The following KIAA1549L variants were observed in gnomAD, a reference collection of about 807,000 sequenced individuals.
The protein encoded by KIAA1549L is KIAA1549 like.
In KIAA1549L, 88 loss-of-function variants were observed where a neutral mutation model predicts 160.7. The observed-to-expected ratio is 0.55, with a 90% CI of 0.46 to 0.65. The LOEUF (loss-of-function observed/expected upper bound fraction) is 0.65, where lower values mean the gene tolerates loss of function less well. Among genes scored for constraint, KIAA1549L ranks in the 30% least tolerant of loss-of-function variants. The pLI is 0.00. For missense variants in KIAA1549L, 2,258 were observed against 2,437.5 expected, an observed-to-expected ratio of 0.93 and a Z score of 1.55; for synonymous variants, 950 against 976.7, an observed-to-expected ratio of 0.97 and a Z score of 0.51.
chr11:33,593,352 T>C (rs977852228), intron 12 of KIAA1549L, among the ~76,000 whole-genome samples: 4 of 152,312 alleles, frequency 2.6e-5, no homozygotes, highest in South Asian at 2.1e-4. Context: ...GGTGAGAGCA[T>C]GGCTTGAGCA....
intron 1 of KIAA1549L, among the ~76,000 whole-genome samples, chr11:33,474,202 C>A (rs1001493901): frequency 5.9e-5 from 9 of 152,168 alleles, no homozygotes; most frequent in African/African-American, 2.2e-4. Flanking sequence ...CCTCCAACAT[C>A]GAAAATTACA....
At chr11:33,534,062 C>G (rs1565172422) in intron 1 of KIAA1549L, among the ~76,000 whole-genome samples, 1 of 152,104 alleles carries the variant, frequency 6.6e-6, no homozygotes, top group Non-Finnish European at 1.5e-5. Context: ...CTGTCTGTCT[C>G]CCTCTCATAT....
intron 1 of KIAA1549L, among the ~76,000 whole-genome samples, chr11:33,475,572 G>C (rs1852267368): frequency 1.3e-5 from 2 of 151,182 alleles, no homozygotes; most frequent in South Asian, 4.2e-4. Flanking sequence ...AAAAAAAAAG[G>C]CCAGGTGCAG....
chr11:33,644,769 C>G (rs1349516861), intron 16 of KIAA1549L, among the ~76,000 whole-genome samples: 2 of 152,254 alleles, frequency 1.3e-5, no homozygotes, highest in Non-Finnish European at 2.9e-5. Flanking sequence ...GCAGCAGCCT[C>G]CCCATATTGC....
intron 1 of KIAA1549L, among the ~76,000 whole-genome samples, chr11:33,411,455 CCT>C (rs1850783822): frequency 1.3e-5 from 2 of 152,146 alleles, no homozygotes; most frequent in East Asian, 1.9e-4. Context: ...AGATTGCATA[CCT>C]CTCGGCTAGT....
At chr11:33,399,147 T>C (rs1461318865) in intron 1 of KIAA1549L, among the ~76,000 whole-genome samples, 1 of 152,144 alleles carries the variant, frequency 6.6e-6, no homozygotes, top group African/African-American at 2.4e-5. Flanking sequence ...GAGACAGGGT[T>C]TCACCATGTT....
At chr11:33,518,553 A>G (rs192416284) in intron 1 of KIAA1549L, among the ~76,000 whole-genome samples, 57 of 152,324 alleles carry the variant, frequency 3.7e-4, no homozygotes, top group Admixed American at 3.4e-3. Context: ...TTTTCAAGGA[A>G]AGTTGGCTCT....
intron 12 of KIAA1549L, among the ~76,000 whole-genome samples, chr11:33,592,980 G>A (rs575606876): frequency 2.6e-4 from 39 of 152,344 alleles, no homozygotes; most frequent in African/African-American, 9.1e-4. Context: ...GAACTAGGGA[G>A]GAAGTGGTGG....
chr11:33,626,027 C>A (rs1482278513), intron 16 of KIAA1549L, among the ~76,000 whole-genome samples: 2 of 150,428 alleles, frequency 1.3e-5, no homozygotes, highest in Non-Finnish European at 2.9e-5. Flanking sequence ...ATCCTTTCCC[C>A]GTTGCTTGTT....
At chr11:33,561,157 C>T (rs1302044257) in intron 7 of KIAA1549L, among the ~76,000 whole-genome samples, 2 of 152,138 alleles carry the variant, frequency 1.3e-5, no homozygotes, top group East Asian at 1.9e-4. Flanking sequence ...AAAATCTATC[C>T]AGGAGATAAT....
intron 1 of KIAA1549L, among the ~76,000 whole-genome samples, chr11:33,444,713 C>T (rs575890640): frequency 1.3e-5 from 2 of 152,292 alleles, no homozygotes; most frequent in Admixed American, 6.5e-5. Flanking sequence ...TTATATATTT[C>T]GCTAACGAAT....
chr11:33,477,715 G>T (rs751377835), intron 1 of KIAA1549L, among the ~76,000 whole-genome samples: 57 of 152,226 alleles, frequency 3.7e-4, no homozygotes, highest in Non-Finnish European at 7.3e-4. Flanking sequence ...GGGATTGTCA[G>T]TTACTTGCTC....
At chr11:33,487,696 G>A (rs1375312243) in intron 1 of KIAA1549L, among the ~76,000 whole-genome samples, 1 of 152,096 alleles carries the variant, frequency 6.6e-6, no homozygotes, top group Non-Finnish European at 1.5e-5. Flanking sequence ...TTAGTCTGAG[G>A]TGGGATCTAG....
chr11:33,393,347 G>A (rs1011412992), intron 1 of KIAA1549L, among the ~76,000 whole-genome samples: 12 of 152,120 alleles, frequency 7.9e-5, no homozygotes, highest in African/African-American at 1.7e-4. Flanking sequence ...GTTAGATGCC[G>A]TCTTCTCTGC....
At position 33,548,294 on chromosome 11, in the gene KIAA1549L, G is replaced by T. The variant is rs546799660; in HGVS notation, c.3501+415G>T. Among the ~76,000 whole-genome samples the T allele has an allele frequency of 1.9e-4, 29 of 152,256 alleles. No homozygotes were observed. In the South Asian group the frequency reaches 6.0e-3, roughly 32 times the overall value. On this transcript the variant is annotated intron_variant, in intron 4 of 20. Coordinates refer to ENST00000658780, the MANE Select transcript of KIAA1549L (RefSeq NM_012194.3). ...GGTGCCTGTAATCCCAGCTACTCGG[G>T]AGGCTGAGACAGGAGAATCGCTTGA...
At chr11:33,435,800 A>ATGTGTGTGTGTG (rs1309350867) in intron 1 of KIAA1549L, among the ~76,000 whole-genome samples, 296 of 12,886 alleles carry the variant, frequency 0.023, 24 homozygotes, top group Admixed American at 0.041. Flanking sequence ...ATATATATAT[A>ATGTGTGTGTGTG]TATATATATA....
At chr11:33,540,449 A>C (rs1017652710) in intron 1 of KIAA1549L, among the ~76,000 whole-genome samples, 1 of 152,246 alleles carries the variant, frequency 6.6e-6, no homozygotes, top group Admixed American at 6.5e-5. Context: ...CCATATAAGT[A>C]ACCAGATAAG....
At chr11:33,561,784 T>C (rs1590345594) in intron 8 of KIAA1549L, 49 bp downstream of exon 8, 3 of 1,354,844 alleles carry the variant, frequency 2.2e-6, no homozygotes, top group South Asian at 2.4e-5. Context: ...CAGATTGATT[T>C]ATTTTTTTTA....
At chr11:33,419,837 A>G (rs1850963157) in intron 1 of KIAA1549L, among the ~76,000 whole-genome samples, 1 of 151,898 alleles carries the variant, frequency 6.6e-6, no homozygotes, top group Non-Finnish European at 1.5e-5. Flanking sequence ...ACAGAGCAAG[A>G]CTGTCTTTAA....
Sources: allele counts gnomAD v4.1 joint callset (sites outside exome capture counted in the v4.1 genomes callset), GRCh38; gene constraint gnomAD v4.1.1; transcripts MANE v1.5; gene names NCBI Gene and HGNC (gene_info 2026-07-23, HGNC 2026-07-21).